The following DNAJC1 variants were observed in gnomAD, a reference collection of about 807,000 sequenced individuals.
DNAJC1 encodes the protein dnaJ homolog subfamily C member 1.
In DNAJC1, 58 loss-of-function variants were observed where a neutral mutation model predicts 76.6. The observed-to-expected ratio is 0.76, with a 90% CI of 0.61 to 0.94. The LOEUF (loss-of-function observed/expected upper bound fraction) is 0.94. Ranked by LOEUF, DNAJC1 falls within the 40% of genes least tolerant of loss-of-function variation. DNAJC1 has a pLI of 0.00. For synonymous variants in DNAJC1, 258 were observed against 267.9 expected, an observed-to-expected ratio of 0.96 and a Z score of 0.36; for missense variants, 689 against 677.3, an observed-to-expected ratio of 1.02 and a Z score of -0.19.
rs372170934 is a variant in DNAJC1, at chr10:21,886,674, C to T, written c.821-4235G>A. On this transcript the variant is annotated intron_variant, in intron 7 of 11. Transcript: ENST00000376980. ...GGTAGCAAGGTTGGTACAACATAAGCAAATTAATAAATGTGATTCTTCACA... is the reference window on the plus strand; with the variant it reads ...GGTAGCAAGGTTGGTACAACATAAGTAAATTAATAAATGTGATTCTTCACA... Among the ~76,000 whole-genome samples the T allele has an allele frequency of 1.4e-4, 21 of 152,176 alleles. No homozygotes were observed. The East Asian group carries it at 4.1e-3, about 29-fold the overall frequency.
rs113547457 is a variant in DNAJC1, at chr10:21,876,418, A to C, written c.978+5864T>G. On this transcript the variant is annotated intron_variant, in intron 8 of 11. Transcript: ENST00000376980. Reference sequence around the variant, plus strand: ...TGAGCTACTGTGCCCAGCCTGAAAAAACTTTAAAAGATCTAAATTAATGGA... The same window carrying C: ...TGAGCTACTGTGCCCAGCCTGAAAACACTTTAAAAGATCTAAATTAATGGA... 8.1e-3 allele frequency among the ~76,000 whole-genome samples: 1,225 copies of C among 152,156 alleles called. 16 individuals are homozygous for C. The highest frequency in any genetic ancestry group is 0.027 in the African/African-American group (1,130 of 41,518).
intron 9 of DNAJC1, among the ~76,000 whole-genome samples, chr10:21,786,455 TATATATATAGAGAGAGAGAGAG>T (rs1327667663): frequency 1.8e-5 from 1 of 56,950 alleles, no homozygotes; most frequent in African/African-American, 6.3e-5. Context: ...TATATATATA[TATATATATAGAGAGAGAGAGAG>T]AGAGAGAGAG....
chr10:21,994,559 C>A (rs1838383146), intron 1 of DNAJC1, among the ~76,000 whole-genome samples: 1 of 152,124 alleles, frequency 6.6e-6, no homozygotes, highest in Non-Finnish European at 1.5e-5. Flanking sequence ...GAGGCCGAGA[C>A]AGGTGGATCA....
At chr10:21,849,530 A>T (rs1252210111) in intron 8 of DNAJC1, among the ~76,000 whole-genome samples, 2 of 152,044 alleles carry the variant, frequency 1.3e-5, no homozygotes, top group Non-Finnish European at 2.9e-5. Flanking sequence ...ACAGGGGGAA[A>T]AAAAGAGGGG....
At chr10:21,928,193 T>C (rs1320419536) in intron 3 of DNAJC1, among the ~76,000 whole-genome samples, 1 of 152,162 alleles carries the variant, frequency 6.6e-6, no homozygotes, top group African/African-American at 2.4e-5. Flanking sequence ...GGAATGGACA[T>C]TTATTTGAAT....
chr10:21,824,401 C>T (rs1050718564), intron 8 of DNAJC1, among the ~76,000 whole-genome samples: 5 of 152,042 alleles, frequency 3.3e-5, no homozygotes, highest in African/African-American at 7.3e-5. Flanking sequence ...TACAAACATG[C>T]GGTGAATAAC....
At chr10:21,813,172 CT>C (rs1835004842) in intron 8 of DNAJC1, among the ~76,000 whole-genome samples, 8 of 61,388 alleles carry the variant, frequency 1.3e-4, no homozygotes, top group Admixed American at 2.1e-4. Flanking sequence ...CTCTCTCTCT[CT>C]CCCTCTCTCT....
intron 1 of DNAJC1, among the ~76,000 whole-genome samples, chr10:21,934,950 T>C (rs1837287228): frequency 6.6e-6 from 1 of 152,158 alleles, no homozygotes; most frequent in South Asian, 2.1e-4. Context: ...ATATGAACTT[T>C]ACAAAAGTGT....
intron 7 of DNAJC1, among the ~76,000 whole-genome samples, chr10:21,891,700 G>A (rs530853872): frequency 4.4e-4 from 67 of 152,242 alleles, no homozygotes; most frequent in African/African-American, 1.6e-3. Context: ...TATACCTGAA[G>A]TCAATATCCT....
At chr10:21,897,396 C>T (rs1414731895) in intron 7 of DNAJC1, among the ~76,000 whole-genome samples, 3 of 152,080 alleles carry the variant, frequency 2.0e-5, no homozygotes, top group Admixed American at 6.6e-5. Context: ...TTCAACACCC[C>T]GTCATGATTT....
rs1834177406 is a variant in DNAJC1, at chr10:21,756,579, C to A, written c.*108G>T. 1 of 722,078 alleles carries A rather than the reference C, an allele frequency of 1.4e-6. No individual in the cohort carries two copies. Among genetic ancestry groups the A allele is most frequent in the Non-Finnish European group, 2.4e-6 (1 of 417,190 alleles). The allele number at this position is 722,078 out of a possible 1,614,324, so 44.7% of individuals were successfully genotyped here. On this transcript the variant is annotated 3_prime_UTR_variant, in exon 12 of 12. Transcript: ENST00000376980. ...TTTATTTATTTATTATTTTTTTTTA[C>A]TAAGGCACATGACGTAGAAATATTG...
intron 9 of DNAJC1, among the ~76,000 whole-genome samples, chr10:21,800,917 T>C (rs1046777984): frequency 6.6e-6 from 1 of 152,166 alleles, no homozygotes; most frequent in South Asian, 2.1e-4. Context: ...CTAGACAAAT[T>C]TAAAGTATTT....
chr10:21,815,178 G>A (rs1835054675), intron 8 of DNAJC1, among the ~76,000 whole-genome samples: 1 of 152,214 alleles, frequency 6.6e-6, no homozygotes, highest in African/African-American at 2.4e-5. Context: ...CCACAGTACT[G>A]TGCTGCTCAG....
intron 1 of DNAJC1, among the ~76,000 whole-genome samples, chr10:21,955,962 T>C (rs557373517): frequency 1.8e-4 from 28 of 152,354 alleles, no homozygotes; most frequent in African/African-American, 6.3e-4. Context: ...AAAAAACTTA[T>C]TTTACCTTCG....
intron 8 of DNAJC1, among the ~76,000 whole-genome samples, chr10:21,818,912 C>T (rs1344272406): frequency 6.6e-6 from 1 of 152,146 alleles, no homozygotes; most frequent in Non-Finnish European, 1.5e-5. Context: ...GATTATATTA[C>T]AATTCACTGT....
chr10:21,991,364 G>A (rs1838324209), intron 1 of DNAJC1, among the ~76,000 whole-genome samples: 1 of 152,102 alleles, frequency 6.6e-6, no homozygotes, highest in African/African-American at 2.4e-5. Flanking sequence ...GTGATTACCT[G>A]AAACCACCCT....
chr10:21,887,784 C>A (rs1371814978), intron 7 of DNAJC1, among the ~76,000 whole-genome samples: 1 of 152,000 alleles, frequency 6.6e-6, no homozygotes, highest in Non-Finnish European at 1.5e-5. Context: ...TATAAAAAAC[C>A]TGGAGGACAA....
chr10:21,935,015 C>A (rs1837288038), intron 1 of DNAJC1, among the ~76,000 whole-genome samples: 1 of 152,016 alleles, frequency 6.6e-6, no homozygotes, highest in Non-Finnish European at 1.5e-5. Context: ...CAACAAAAAC[C>A]TCTAGGAAAG....
intron 8 of DNAJC1, among the ~76,000 whole-genome samples, chr10:21,830,476 C>T (rs1161321534): frequency 2.6e-5 from 4 of 151,788 alleles, no homozygotes; most frequent in African/African-American, 7.3e-5. Context: ...GTATAACTGG[C>T]GTTCCTTTGT....
Sources: gnomAD v4.1 joint callset for allele counts (sites outside exome capture counted in the v4.1 genomes callset) on GRCh38, gnomAD v4.1.1 for gene constraint, MANE v1.5 for transcripts, NCBI Gene and HGNC (gene_info 2026-07-23, HGNC 2026-07-21) for gene names.